Variants in FNBP1 observed in about 807,000 individuals in gnomAD.
FNBP1 encodes the protein formin-binding protein 1.
A neutral mutation model predicts 90.6 loss-of-function variants in FNBP1; 26 were observed. The observed-to-expected ratio is 0.29, with a 90% CI of 0.21 to 0.40. FNBP1 has a LOEUF of 0.40. Among genes scored for constraint, FNBP1 ranks in the 10% least tolerant of loss-of-function variants. FNBP1 has a pLI of 1.00. For missense variants in FNBP1, 635 were observed against 768.0 expected, an observed-to-expected ratio of 0.83 and a Z score of 2.05; for synonymous variants, 260 against 265.2, an observed-to-expected ratio of 0.98 and a Z score of 0.19.
chr9:130,009,978 CAAAA>C (rs68122821), intron 1 of FNBP1, among the ~76,000 whole-genome samples: 5 of 69,960 alleles, frequency 7.1e-5, no homozygotes, highest in African/African-American at 9.4e-5. Flanking sequence ...GACCCAGTCT[CAAAA>C]AAAAAAAAAA....
chr9:130,044,317 T>G (rs1380880098), upstream of FNBP1, among the ~76,000 whole-genome samples: 4 of 152,176 alleles, frequency 2.6e-5, no homozygotes, highest in Non-Finnish European at 4.4e-5. Flanking sequence ...TGCTTATCAT[T>G]CTCCTCCATT....
In FNBP1 at chr9:129,916,001, G is replaced by C. The variant is rs1487320753; in HGVS notation, c.1171-21C>G. The C allele has an allele frequency of 1.9e-6, 3 of 1,589,482 alleles. No homozygotes were observed. The South Asian group carries it at 3.3e-5, about 18-fold the overall frequency. On this transcript the variant is annotated intron_variant, in intron 10 of 16. Transcript: ENST00000446176. Reference sequence around the variant, plus strand: ...GAAAGCTTCATGTAAAAATTGGAGAGGTATGGGAAAAATAGAGAGAAAGAG... The same window carrying C: ...GAAAGCTTCATGTAAAAATTGGAGACGTATGGGAAAAATAGAGAGAAAGAG...
intron 2 of FNBP1, among the ~76,000 whole-genome samples, chr9:129,990,337 C>T (rs1445700733): frequency 2.0e-5 from 3 of 152,056 alleles, no homozygotes; most frequent in Non-Finnish European, 2.9e-5. Flanking sequence ...GCTAAGTGGG[C>T]TAAGGGACGA....
chr9:129,917,953 T>C (rs370551803), intron 10 of FNBP1, among the ~76,000 whole-genome samples: 1 of 152,258 alleles, frequency 6.6e-6, no homozygotes, highest in African/African-American at 2.4e-5. Flanking sequence ...CAAGGCACAC[T>C]ATCATATACA....
intron 6 of FNBP1, among the ~76,000 whole-genome samples, chr9:129,954,110 A>G (rs2046576862): frequency 6.6e-6 from 1 of 152,068 alleles, no homozygotes; most frequent in Non-Finnish European, 1.5e-5. Context: ...AGGTATTAGG[A>G]GTAAATAGGG....
At chr9:130,017,423 G>T (rs2057346297) in intron 1 of FNBP1, among the ~76,000 whole-genome samples, 1 of 152,102 alleles carries the variant, frequency 6.6e-6, no homozygotes, top group Admixed American at 6.5e-5. Context: ...ATTTTTAAGT[G>T]GCTTTAAATT....
chr9:130,042,636 G>A lies in FNBP1; in HGVS notation c.24+316C>T, dbSNP rs977346820. 6.6e-6 allele frequency among the ~76,000 whole-genome samples: 1 copy of A among 151,680 alleles called. No homozygotes were observed. Among genetic ancestry groups the A allele is most frequent in the East Asian group, 1.9e-4 (1 of 5,144 alleles). ...CCCCGGGCATCCGCGGCTCGCCCCGGGGGATTAGGGCTCGGCCCGACACAC... is the reference window on the plus strand; with the variant it reads ...CCCCGGGCATCCGCGGCTCGCCCCGAGGGATTAGGGCTCGGCCCGACACAC... On this transcript the variant is annotated intron_variant, in intron 1 of 16. Transcript: ENST00000446176. The surrounding 1 kb of genome is among the most constrained non-coding windows in gnomAD (Gnocchi z 5.5).
intron 1 of FNBP1, among the ~76,000 whole-genome samples, chr9:130,007,393 A>G (rs2055916789): frequency 6.6e-6 from 1 of 152,128 alleles, no homozygotes; most frequent in Admixed American, 6.6e-5. Context: ...AAGGGCTCAG[A>G]AAGTAGAAGC....
At chr9:129,924,414 T>C (rs2041576885) in intron 9 of FNBP1, among the ~76,000 whole-genome samples, 1 of 152,264 alleles carries the variant, frequency 6.6e-6, no homozygotes, top group Non-Finnish European at 1.5e-5. Context: ...AACAGCAGTC[T>C]GTTTAAATTA....
chr9:129,930,598 T>C lies in FNBP1; in HGVS notation c.514-903A>G, dbSNP rs1430656437. ...CCTAAAAAATCAATAATTTACACAT[T>C]TGTTTTTCTCTAATTCATATTCTGA... On this transcript the variant is annotated intron_variant, in intron 6 of 16. Coordinates refer to ENST00000446176, the MANE Select transcript of FNBP1 (RefSeq NM_015033.3). Among the ~76,000 whole-genome samples the C allele has an allele frequency of 8.5e-5, 13 of 152,324 alleles. No homozygotes were observed. The East Asian group carries it at 2.5e-3, about 29-fold the overall frequency.
At chr9:130,027,251 T>C (rs1310714415) in intron 1 of FNBP1, among the ~76,000 whole-genome samples, 1 of 152,166 alleles carries the variant, frequency 6.6e-6, no homozygotes, top group Non-Finnish European at 1.5e-5. Context: ...GAAAAAACTG[T>C]TTATGGAGTT....
At position 129,915,997 on chromosome 9, in the gene FNBP1, G is replaced by A. The variant is rs770315361; in HGVS notation, c.1171-17C>T. 3.1e-6 allele frequency: 5 copies of A among 1,595,126 alleles called. No homozygotes were observed. In the South Asian group the frequency reaches 5.5e-5, roughly 18 times the overall value. On this transcript the variant is annotated splice_polypyrimidine_tract_variant and intron_variant, in intron 10 of 16. Coordinates refer to ENST00000446176, the MANE Select transcript of FNBP1 (RefSeq NM_015033.3). Reference sequence around the variant, plus strand: ...GAGAGAAAGCTTCATGTAAAAATTGGAGAGGTATGGGAAAAATAGAGAGAA... The same window carrying A: ...GAGAGAAAGCTTCATGTAAAAATTGAAGAGGTATGGGAAAAATAGAGAGAA...
chr9:130,013,503 T>C (rs1295142029), intron 1 of FNBP1, among the ~76,000 whole-genome samples: 4 of 152,200 alleles, frequency 2.6e-5, no homozygotes, highest in East Asian at 1.9e-4. Flanking sequence ...ATTCACACAC[T>C]GCTGGGGACC....
chr9:129,972,380 C>T (rs1273021179), intron 4 of FNBP1, among the ~76,000 whole-genome samples: 1 of 152,104 alleles, frequency 6.6e-6, no homozygotes, highest in Non-Finnish European at 1.5e-5. Flanking sequence ...GTGATCCACT[C>T]GCCTCGGCCT....
At chr9:130,052,898 T>G in the FNBP1 span, among the ~76,000 whole-genome samples, 1 of 151,802 alleles carries the variant, frequency 6.6e-6, no homozygotes, top group African/African-American at 2.4e-5. Context: ...GAGGATAACT[T>G]GAGGTCAGGA....
At chr9:129,904,640 G>A (rs1052278872) in intron 12 of FNBP1, among the ~76,000 whole-genome samples, 1 of 152,170 alleles carries the variant, frequency 6.6e-6, no homozygotes, top group African/African-American at 2.4e-5. Context: ...CACCTAAGAG[G>A]CTGAGACCCA....
At chr9:130,005,791 C>T (rs2055608434) in intron 1 of FNBP1, among the ~76,000 whole-genome samples, 1 of 152,148 alleles carries the variant, frequency 6.6e-6, no homozygotes, top group African/African-American at 2.4e-5. Context: ...TTGTTTTTTC[C>T]TTTTGTTGTT....
chr9:129,891,682 C>T (rs567805765), intron 16 of FNBP1, among the ~76,000 whole-genome samples: 5 of 152,296 alleles, frequency 3.3e-5, no homozygotes, highest in African/African-American at 1.2e-4. Flanking sequence ...GAAACACAGA[C>T]TTCTCAGGCC....
In FNBP1 at chr9:129,900,568, A is replaced by G. The variant is rs1225660281; in HGVS notation, c.1429-21T>C. 5 of 1,524,502 alleles carry G rather than the reference A, an allele frequency of 3.3e-6. No homozygotes were observed. Among genetic ancestry groups the G allele is most frequent in the Non-Finnish European group, 4.4e-6 (5 of 1,140,124 alleles). The allele number at this position is 1,524,502 out of a possible 1,614,324, so 94.4% of individuals were successfully genotyped here. A position where few individuals can be genotyped will look rare whatever the true frequency, so the allele number is the denominator to read the frequency against. ...CAGGCCTGGAGACAAAAGCAATGAGAGACTCCAACCTAAGGCCATCTGAGG... is the reference window on the plus strand; with the variant it reads ...CAGGCCTGGAGACAAAAGCAATGAGGGACTCCAACCTAAGGCCATCTGAGG... On this transcript the variant is annotated intron_variant, in intron 13 of 16. Transcript: ENST00000446176. This position sits in a 1 kb window ranked among gnomAD's most constrained non-coding sequence, Gnocchi z 4.1.
Sources: allele counts gnomAD v4.1 joint callset (sites outside exome capture counted in the v4.1 genomes callset), GRCh38; gene constraint gnomAD v4.1.1; non-coding constraint Gnocchi (gnomAD v3.1); transcripts MANE v1.5; gene names NCBI Gene and HGNC (gene_info 2026-07-23, HGNC 2026-07-21).